EYA4: variants seen among roughly 807,000 people sequenced by gnomAD.
The protein encoded by EYA4 is protein phosphatase EYA4.
Under a neutral mutation model 87.9 loss-of-function variants are expected in EYA4, and 31 were observed. The observed-to-expected ratio is 0.35, with a 90% CI of 0.27 to 0.48. The LOEUF is 0.48. EYA4 is among the 20% of genes least tolerant of loss of function. The pLI is 0.99. For missense variants in EYA4, 678 were observed against 761.4 expected (o/e 0.89, Z 1.29); for synonymous variants, 263 against 270.6 (o/e 0.97, Z 0.28).
chr6:133,331,513 G>C (rs1233932285), intron 2 of EYA4, among the ~76,000 whole-genome samples: 3 of 152,106 alleles, frequency 2.0e-5, no homozygotes, highest in African/African-American at 7.2e-5. Context: ...CTTCTGTAAT[G>C]AGATTAATTT....
intron 1 of EYA4, chr6:133,245,037 T>A (rs1774293714): frequency 6.6e-6 from 1 of 152,166 alleles, no homozygotes; most frequent in Non-Finnish European, 1.5e-5. Context: ...TAGTTAAGTG[T>A]TAAGTAATTT....
intron 3 of EYA4, among the ~76,000 whole-genome samples, chr6:133,410,633 T>TTTTTTTTTTTTTTTTTTTTTTTTGAG (rs1554252061): frequency 1.3e-5 from 2 of 148,722 alleles, no homozygotes; most frequent in Non-Finnish European, 3.0e-5. Context: ...ACTAAGGTCT[T>TTTTTTTTTTTTTTTTTTTTTTTTGAG]AATTCCTTCT....
intron 1 of EYA4, among the ~76,000 whole-genome samples, chr6:133,252,660 A>T (rs1774999285): frequency 1.3e-5 from 2 of 152,206 alleles, no homozygotes; most frequent in South Asian, 4.1e-4. Flanking sequence ...AACTTTTCCC[A>T]TATGAGTTTT....
chr6:133,359,250 G>A (rs1784291925), intron 2 of EYA4, among the ~76,000 whole-genome samples: 6 of 152,160 alleles, frequency 3.9e-5, no homozygotes, highest in Admixed American at 3.3e-4. Flanking sequence ...CTGCTGGGAG[G>A]GGAGGATGAA....
At chr6:133,521,384 T>C (rs903999864) in intron 17 of EYA4, among the ~76,000 whole-genome samples, 6 of 144,042 alleles carry the variant, frequency 4.2e-5, no homozygotes, top group Non-Finnish European at 4.6e-5. Context: ...TCACTGGCCA[T>C]CAGAGAAATG....
chr6:133,348,449 C>G (rs891238348), intron 2 of EYA4, among the ~76,000 whole-genome samples: 1 of 151,372 alleles, frequency 6.6e-6, no homozygotes, highest in African/African-American at 2.4e-5. Flanking sequence ...GTATTGTTAG[C>G]AGAGACGGGG....
chr6:133,333,261 A>G (rs1782119328), intron 2 of EYA4, among the ~76,000 whole-genome samples: 1 of 152,226 alleles, frequency 6.6e-6, no homozygotes, highest in Non-Finnish European at 1.5e-5. Context: ...AATACTTGAT[A>G]AGTGAATGAA....
In EYA4 at chr6:133,462,724, C is replaced by A; in HGVS notation, c.684C>A (p.Thr228=). 1 of 1,613,856 alleles carries A rather than the reference C, an allele frequency of 6.2e-7. No homozygotes were observed. Residue 228 remains threonine, a synonymous_variant, in exon 9 of 20, where the codon ACC becomes ACA. Transcript: ENST00000355286. ...GCLSYSPGFS[T]PQPGQTPYSY... is the part of the protein sequence containing the mutation. ...TCAGTTACAGCCCAGGGTTCTCTAC[C>A]CCACAGCCAGGCCAGACACCTTATT...
chr6:133,308,735 A>G (rs920514931), intron 2 of EYA4, among the ~76,000 whole-genome samples: 2 of 152,220 alleles, frequency 1.3e-5, no homozygotes, highest in Non-Finnish European at 2.9e-5. Flanking sequence ...GCTGCAAAGG[A>G]CATGATTTTG....
At chr6:133,469,941 G>A (rs1795184189) in intron 11 of EYA4, among the ~76,000 whole-genome samples, 1 of 151,882 alleles carries the variant, frequency 6.6e-6, no homozygotes, top group Non-Finnish European at 1.5e-5. Context: ...GGGGTTGTTT[G>A]TTTTCTTCTT....
chr6:133,431,064 C>G (rs1331427941), intron 3 of EYA4, among the ~76,000 whole-genome samples: 2 of 152,090 alleles, frequency 1.3e-5, no homozygotes, highest in Non-Finnish European at 2.9e-5. Context: ...CAGAGGTCCT[C>G]ACCTGGGAAC....
At chr6:133,286,729 A>C (rs1427101218) in intron 2 of EYA4, among the ~76,000 whole-genome samples, 1 of 152,232 alleles carries the variant, frequency 6.6e-6, no homozygotes, top group Non-Finnish European at 1.5e-5. Context: ...CAAAGTAACC[A>C]AAATCATGAA....
At chr6:133,526,340 C>A (rs951819816) in intron 19 of EYA4, among the ~76,000 whole-genome samples, 2 of 152,110 alleles carry the variant, frequency 1.3e-5, no homozygotes, top group African/African-American at 4.8e-5. Context: ...AAATCATCAT[C>A]TAATAAAGCC....
intron 3 of EYA4, among the ~76,000 whole-genome samples, chr6:133,416,781 CTT>C (rs899182058): frequency 6.6e-6 from 1 of 152,204 alleles, no homozygotes; most frequent in African/African-American, 2.4e-5. Context: ...TGCATATTCT[CTT>C]TGTGTCCCTC....
At chr6:133,276,767 T>C (rs1777199227) in intron 2 of EYA4, among the ~76,000 whole-genome samples, 1 of 152,118 alleles carries the variant, frequency 6.6e-6, no homozygotes, top group African/African-American at 2.4e-5. Flanking sequence ...GACTTGCCCA[T>C]GTTGGCATAG....
At chr6:133,476,404 C>G (rs1795736784) in intron 11 of EYA4, among the ~76,000 whole-genome samples, 1 of 152,062 alleles carries the variant, frequency 6.6e-6, no homozygotes, top group Admixed American at 6.6e-5. Flanking sequence ...GCTCCCCAGT[C>G]TCCCTCTCCA....
chr6:133,292,435 G>A (rs992350081), intron 2 of EYA4, among the ~76,000 whole-genome samples: 7 of 152,244 alleles, frequency 4.6e-5, no homozygotes, highest in African/African-American at 1.7e-4. Flanking sequence ...TAATTCTTGA[G>A]CCCTTAATAT....
At chr6:133,265,818 GT>G (rs1188192928) in intron 1 of EYA4, among the ~76,000 whole-genome samples, 1 of 152,192 alleles carries the variant, frequency 6.6e-6, no homozygotes, top group Non-Finnish European at 1.5e-5. Context: ...TGAACTGGCA[GT>G]TGACAAAGAA....
In EYA4 at chr6:133,531,695, A is replaced by G. The variant is rs1801018322; in HGVS notation, c.*2890A>G. The G allele has an allele frequency of 6.5e-6, 1 of 154,464 alleles. No individual in the cohort carries two copies. Among genetic ancestry groups the G allele is most frequent in the Admixed American group, 6.4e-5 (1 of 15,550 alleles). The allele number at this position is 154,464 out of a possible 1,614,324, so 9.6% of individuals were successfully genotyped here. ...GTAAATCAAATTCAGAGGCAAAAACATATTTTAGAATCATACAGTTTGCAC... is the reference window on the plus strand; with the variant it reads ...GTAAATCAAATTCAGAGGCAAAAACGTATTTTAGAATCATACAGTTTGCAC... On this transcript the variant is annotated 3_prime_UTR_variant, in exon 20 of 20. Transcript: ENST00000355286.
Sources: gnomAD v4.1 joint callset for allele counts (sites outside exome capture counted in the v4.1 genomes callset) on GRCh38, gnomAD v4.1.1 for gene constraint, MANE v1.5 for transcripts, NCBI Gene and HGNC (gene_info 2026-07-23, HGNC 2026-07-21) for gene names.